The following CADM1 variants were observed in gnomAD, a reference collection of about 807,000 sequenced individuals.
CADM1 encodes cell adhesion molecule 1.
Under a neutral mutation model 53.1 loss-of-function variants are expected in CADM1, and 15 were observed. The observed-to-expected ratio is 0.28, with a 90% CI of 0.19 to 0.44. The LOEUF is 0.44. Among genes scored for constraint, CADM1 ranks in the 20% least tolerant of loss-of-function variants. The pLI is 1.00. For synonymous variants in CADM1, 281 were observed against 243.0 expected (o/e 1.16, Z -1.45); for missense variants, 434 against 611.3 (o/e 0.71, Z 3.06).
rs1259794806 is a variant in CADM1, at chr11:115,170,138, G to GCGGT, written c.*6332_*6335dup. On this transcript the variant is annotated 3_prime_UTR_variant, in exon 12 of 12. Coordinates refer to ENST00000331581, the MANE Select transcript of CADM1 (RefSeq NM_001301043.2). The stretch of plus-strand genomic sequence containing the variant: ...AGATAGCACTTAAGGAAGATTTGAG[G>GCGGT]CGGTCACGTCTGAAATATGACTGTG... 1 of 156,654 alleles carries GCGGT rather than the reference G, an allele frequency of 6.4e-6. No homozygotes were observed. Among genetic ancestry groups the GCGGT allele is most frequent in the Non-Finnish European group, 1.4e-5 (1 of 70,616 alleles). 9.7% of individuals were successfully genotyped at this position (156,654 alleles called of 1,614,324 possible).
intron 1 of CADM1, among the ~76,000 whole-genome samples, chr11:115,398,727 G>A (rs556063772): frequency 6.6e-6 from 1 of 152,038 alleles, no homozygotes; most frequent in Non-Finnish European, 1.5e-5. Flanking sequence ...TTCCACTAAG[G>A]CCACTTGTGA....
In CADM1 at chr11:115,175,361, A is replaced by T. The variant is rs1017598335; in HGVS notation, c.*1113T>A. 3 of 960,414 alleles carry T rather than the reference A, an allele frequency of 3.1e-6. No individual in the cohort carries two copies. The African/African-American group carries it at 6.1e-5, about 20-fold the overall frequency. 59.5% of individuals were successfully genotyped at this position (960,414 alleles called of 1,614,324 possible). A position where few individuals can be genotyped will look rare whatever the true frequency, so the allele number is the denominator to read the frequency against. On this transcript the variant is annotated 3_prime_UTR_variant, in exon 12 of 12. Coordinates refer to ENST00000331581, the MANE Select transcript of CADM1 (RefSeq NM_001301043.2). ...GCAGGCCACATCCTACTGCCTTCCT[A>T]ACTAAGCACAAAGGAAAAAAAAAAA...
chr11:115,317,090 C>T (rs572446597), intron 1 of CADM1, among the ~76,000 whole-genome samples: 13 of 152,280 alleles, frequency 8.5e-5, no homozygotes, highest in Middle Eastern at 3.4e-3. Flanking sequence ...GCGGAAAAAA[C>T]GGCTCCTCAA....
intron 1 of CADM1, among the ~76,000 whole-genome samples, chr11:115,247,627 G>A (rs1318406139): frequency 1.3e-5 from 2 of 152,172 alleles, no homozygotes; most frequent in Non-Finnish European, 2.9e-5. Flanking sequence ...GCTTAGGGTG[G>A]TGGCTCACCA....
chr11:115,428,951 C>A (rs1947969715), intron 1 of CADM1, among the ~76,000 whole-genome samples: 2 of 152,128 alleles, frequency 1.3e-5, no homozygotes, highest in Admixed American at 1.3e-4. Flanking sequence ...ACGTTTGAGG[C>A]CCAGTACGTG....
At chr11:115,184,602 G>A (rs1333020711) in intron 10 of CADM1, among the ~76,000 whole-genome samples, 2 of 152,132 alleles carry the variant, frequency 1.3e-5, no homozygotes, top group Non-Finnish European at 2.9e-5. Flanking sequence ...GAAAGTGGAC[G>A]AGAAGGAATA....
chr11:115,358,907 G>A (rs1013998892), intron 1 of CADM1, among the ~76,000 whole-genome samples: 5 of 151,782 alleles, frequency 3.3e-5, no homozygotes, highest in African/African-American at 9.7e-5. Context: ...TCACTGCTTC[G>A]CCCACCGAGT....
chr11:115,474,002 T>C (rs996049755), intron 1 of CADM1, among the ~76,000 whole-genome samples: 2 of 151,916 alleles, frequency 1.3e-5, no homozygotes, highest in Non-Finnish European at 2.9e-5. Context: ...TTTTAAAAAA[T>C]AGGCAAAATA....
intron 1 of CADM1, among the ~76,000 whole-genome samples, chr11:115,313,012 A>AG (rs1296699756): frequency 6.6e-6 from 1 of 152,034 alleles, no homozygotes; most frequent in East Asian, 1.9e-4. Context: ...AGATCCTTGG[A>AG]GAAAAAAAAA....
At chr11:115,487,101 C>A (rs182767036) in intron 1 of CADM1, among the ~76,000 whole-genome samples, 1 of 152,312 alleles carries the variant, frequency 6.6e-6, no homozygotes, top group Non-Finnish European at 1.5e-5. Flanking sequence ...GCTTCATTTG[C>A]TCCAGCCTTG....
intron 1 of CADM1, among the ~76,000 whole-genome samples, chr11:115,296,076 G>A (rs565409790): frequency 1.3e-5 from 2 of 152,120 alleles, no homozygotes; most frequent in South Asian, 2.1e-4. Flanking sequence ...TCAGCCTCCC[G>A]AGTAGCTGGG....
At chr11:115,324,819 T>C (rs1251604825) in intron 1 of CADM1, among the ~76,000 whole-genome samples, 1 of 152,232 alleles carries the variant, frequency 6.6e-6, no homozygotes, top group East Asian at 1.9e-4. Context: ...GTTAAAAGGC[T>C]GGTGTGTGTC....
chr11:115,470,539 T>C (rs977931499), intron 1 of CADM1, among the ~76,000 whole-genome samples: 1 of 152,232 alleles, frequency 6.6e-6, no homozygotes, highest in African/African-American at 2.4e-5. Flanking sequence ...GTAATATTTC[T>C]TACCATTCAT....
At chr11:115,495,570 T>G (rs17524208) in intron 1 of CADM1, among the ~76,000 whole-genome samples, 2,848 of 152,286 alleles carry the variant, frequency 0.019, 44 homozygotes, top group Middle Eastern at 0.051. Flanking sequence ...TTTTTGTTTC[T>G]TGAGCCAGTG....
intron 1 of CADM1, among the ~76,000 whole-genome samples, chr11:115,408,896 G>C (rs1452590335): frequency 6.6e-6 from 1 of 152,126 alleles, no homozygotes; most frequent in African/African-American, 2.4e-5. Context: ...TGTGCTTTCT[G>C]CTGCTACTGG....
intron 10 of CADM1, among the ~76,000 whole-genome samples, chr11:115,179,392 T>G (rs1382999961): frequency 6.9e-6 from 1 of 145,428 alleles, no homozygotes; most frequent in African/African-American, 2.5e-5. Context: ...CAAGGAATAA[T>G]TGTCCATTGC....
chr11:115,329,546 C>T (rs1055134897), intron 1 of CADM1, among the ~76,000 whole-genome samples: 7 of 152,154 alleles, frequency 4.6e-5, no homozygotes, highest in African/African-American at 4.8e-5. Context: ...GTGCAGGAGC[C>T]GGGGAGAGCA....
intron 1 of CADM1, among the ~76,000 whole-genome samples, chr11:115,360,662 A>G (rs532284918): frequency 6.6e-6 from 1 of 152,352 alleles, no homozygotes; most frequent in Admixed American, 6.5e-5. Flanking sequence ...CACAGAAAGG[A>G]AACTGTACTT....
chr11:115,453,614 T>C (rs1474231872), intron 1 of CADM1, among the ~76,000 whole-genome samples: 1 of 152,132 alleles, frequency 6.6e-6, no homozygotes, highest in Admixed American at 6.6e-5. Context: ...TTCTCCTGCC[T>C]CGGCCTCCAG....
Sources: allele counts gnomAD v4.1 joint callset (sites outside exome capture counted in the v4.1 genomes callset), GRCh38; gene constraint gnomAD v4.1.1; transcripts MANE v1.5; gene names NCBI Gene and HGNC (gene_info 2026-07-23, HGNC 2026-07-21).